ERBB4: variants seen among roughly 807,000 people sequenced by gnomAD.
ERBB4 encodes receptor tyrosine-protein kinase erbB-4.
In ERBB4, 42 loss-of-function variants were observed where a neutral mutation model predicts 158.0. That is an observed-to-expected ratio of 0.27 (90% CI 0.21 to 0.34). The LOEUF (loss-of-function observed/expected upper bound fraction) is 0.34, where lower values mean the gene tolerates loss of function less well. ERBB4 is among the 10% of genes least tolerant of loss of function. The pLI is 1.00. For synonymous variants in ERBB4, 583 were observed against 558.7 expected (o/e 1.04, Z -0.61); for missense variants, 1,333 against 1,624.1 (o/e 0.82, Z 3.08).
At position 212,126,333 on chromosome 2, in the gene ERBB4, GC is replaced by G. The variant is rs536454845; in HGVS notation, c.83-1431del. ...AAATTAGCTGGGCGTGGTAGCTCAT[GC>G]CTGTAATCCCAGCTACTCGGGAGCC... is the stretch of plus-strand genomic sequence containing the variant. On this transcript the variant is annotated intron_variant, in intron 1 of 27. Transcript: ENST00000342788. Among the ~76,000 whole-genome samples, 4 of 151,966 alleles carry G rather than the reference GC, an allele frequency of 2.6e-5. No homozygotes were observed. The South Asian group carries it at 8.3e-4, about 32-fold the overall frequency.
rs372188183 is a variant in ERBB4, at chr2:212,240,088, T to C, written c.83-115185A>G. On this transcript the variant is annotated intron_variant, in intron 1 of 27. Transcript: ENST00000342788. ...TTATTGTGAAATCTTGTACTGATAC[T>C]CGTAGCAAATTAAATGCGTCTTATT... Among the ~76,000 whole-genome samples the C allele has an allele frequency of 3.3e-5, 5 of 152,270 alleles. No individual in the cohort carries two copies. In the South Asian group the frequency reaches 1.0e-3, roughly 32 times the overall value.
intron 1 of ERBB4, among the ~76,000 whole-genome samples, chr2:212,448,364 T>C (rs1426600782): frequency 6.6e-6 from 1 of 152,186 alleles, no homozygotes. Flanking sequence ...GTTTATACAC[T>C]GTTTGAAAGA....
At chr2:212,176,359 C>T (rs887548488) in intron 1 of ERBB4, among the ~76,000 whole-genome samples, 1 of 151,850 alleles carries the variant, frequency 6.6e-6, no homozygotes, top group African/African-American at 2.4e-5. Flanking sequence ...GGGTGAGGCT[C>T]TCAAGATAGG....
rs2105959582 is a variant in ERBB4 at position 211,679,117 on chromosome 2, T to C, written c.1557A>G (p.Gln519=). Residue 519 remains glutamine, a synonymous_variant, in exon 13 of 28, where the codon CAA becomes CAG. Transcript: ENST00000342788. ...TACTGAAGCGGCGACACGACAGACATTGGTCTGGCCCAGGTCCCCAACAGC... is the reference window on the plus strand; with the variant it reads ...TACTGAAGCGGCGACACGACAGACACTGGTCTGGCCCAGGTCCCCAACAGC... The part of the protein sequence containing the change: ...SDGCWGPGPD[Q]CLSCRRFSRG... The C allele has an allele frequency of 2.5e-6, 4 of 1,613,888 alleles. No homozygotes were observed. Among genetic ancestry groups the C allele is most frequent in the Non-Finnish European group, 3.4e-6 (4 of 1,179,856 alleles).
intron 2 of ERBB4, among the ~76,000 whole-genome samples, chr2:212,045,101 T>C (rs1409552329): frequency 6.6e-6 from 1 of 152,214 alleles, no homozygotes; most frequent in East Asian, 1.9e-4. Context: ...ATATTGGTAA[T>C]TGTCTTCTCA....
At chr2:211,761,772 T>C (rs1004157392) in intron 4 of ERBB4, among the ~76,000 whole-genome samples, 6 of 152,174 alleles carry the variant, frequency 3.9e-5, no homozygotes, top group African/African-American at 1.4e-4. Flanking sequence ...TACAACTGAG[T>C]ATGTAACCAA....
intron 1 of ERBB4, among the ~76,000 whole-genome samples, chr2:212,448,380 T>C (rs961798444): frequency 2.0e-5 from 3 of 152,184 alleles, no homozygotes; most frequent in African/African-American, 7.2e-5. Context: ...AAAGATTCAT[T>C]TCGGCCTTAC....
At chr2:211,933,469 A>G (rs545807181) in intron 3 of ERBB4, among the ~76,000 whole-genome samples, 25 of 152,186 alleles carry the variant, frequency 1.6e-4, no homozygotes, top group African/African-American at 5.3e-4. Context: ...TTGATAATCT[A>G]TTGTAGATAT....
chr2:211,800,674 A>C (rs867660394), intron 3 of ERBB4, among the ~76,000 whole-genome samples: 1,889 of 151,644 alleles, frequency 0.012, 45 homozygotes, highest in African/African-American at 0.043. Context: ...AAAAAAAAAA[A>C]AAAAAACCTC....
At chr2:212,030,196 CA>C (rs1428024084) in intron 2 of ERBB4, among the ~76,000 whole-genome samples, 1 of 152,110 alleles carries the variant, frequency 6.6e-6, no homozygotes, top group Non-Finnish European at 1.5e-5. Flanking sequence ...TCCAATCAAT[CA>C]CTTAATCCTT....
intron 1 of ERBB4, among the ~76,000 whole-genome samples, chr2:212,312,989 T>A (rs1177167465): frequency 6.6e-6 from 1 of 151,038 alleles, no homozygotes; most frequent in East Asian, 2.0e-4. Context: ...ATGTCTTTTT[T>A]TAATTTTCAA....
intron 4 of ERBB4, chr2:211,778,397 G>A (rs1575134918): frequency 6.6e-6 from 1 of 151,860 alleles, no homozygotes; most frequent in African/African-American, 2.4e-5. Flanking sequence ...GGCCAACCAG[G>A]AACTCTGCTA....
intron 1 of ERBB4, among the ~76,000 whole-genome samples, chr2:212,301,719 C>T (rs1457979367): frequency 1.5e-5 from 2 of 133,876 alleles, no homozygotes; most frequent in African/African-American, 6.3e-5. Context: ...TATTAATGGT[C>T]CCCCCATGCA....
chr2:212,422,087 C>G (rs879485670), intron 1 of ERBB4, among the ~76,000 whole-genome samples: 17 of 152,112 alleles, frequency 1.1e-4, no homozygotes, highest in Non-Finnish European at 2.2e-4. Context: ...AAAAGTATCC[C>G]AGATTTAGAA....
intron 19 of ERBB4, among the ~76,000 whole-genome samples, chr2:211,601,821 G>A (rs1574839232): frequency 6.6e-6 from 1 of 151,866 alleles, no homozygotes; most frequent in African/African-American, 2.4e-5. Flanking sequence ...GGGATGGAGG[G>A]AGGGAGGGAG....
chr2:211,690,873 ACTT>A (rs776284122), intron 12 of ERBB4, among the ~76,000 whole-genome samples: 20 of 152,206 alleles, frequency 1.3e-4, no homozygotes, highest in Non-Finnish European at 2.4e-4. Flanking sequence ...GCAACCTTTA[ACTT>A]CTTCTGTGTT....
intron 1 of ERBB4, among the ~76,000 whole-genome samples, chr2:212,136,314 T>C (rs2080269863): frequency 6.6e-6 from 1 of 152,218 alleles, no homozygotes; most frequent in Non-Finnish European, 1.5e-5. Context: ...TTTCATTCCT[T>C]TCATCAGCTA....
At chr2:211,598,446 T>C (rs1365596951) in intron 19 of ERBB4, among the ~76,000 whole-genome samples, 1 of 152,172 alleles carries the variant, frequency 6.6e-6, no homozygotes, top group Non-Finnish European at 1.5e-5. Flanking sequence ...TTCATTACAA[T>C]AAGAACATGG....
chr2:211,724,199 A>T (rs1201928232), intron 6 of ERBB4, among the ~76,000 whole-genome samples: 1 of 152,064 alleles, frequency 6.6e-6, no homozygotes, highest in Admixed American at 6.6e-5. Context: ...CTTCCTCCCT[A>T]TCCATTTCTG....
Sources: gnomAD v4.1 joint callset for allele counts (sites outside exome capture counted in the v4.1 genomes callset) on GRCh38, gnomAD v4.1.1 for gene constraint, MANE v1.5 for transcripts, NCBI Gene and HGNC (gene_info 2026-07-23, HGNC 2026-07-21) for gene names.